The following ACSL1 variants were observed in gnomAD, a reference collection of about 807,000 sequenced individuals.
The protein encoded by ACSL1 is long-chain-fatty-acid--CoA ligase 1.
Under a neutral mutation model 98.4 loss-of-function variants are expected in ACSL1, and 41 were observed. The observed-to-expected ratio is 0.42, with a 90% confidence interval of 0.32 to 0.54. The LOEUF (loss-of-function observed/expected upper bound fraction) is 0.54. Ranked by LOEUF, ACSL1 falls within the 20% of genes least tolerant of loss-of-function variation. The probability of loss-of-function intolerance (pLI) is 0.13; values close to 1 mark genes in which losing one functional copy is unlikely to be tolerated. For missense variants in ACSL1, 734 were observed against 883.1 expected, an observed-to-expected ratio of 0.83 and a Z score of 2.14; for synonymous variants, 316 against 322.7, an observed-to-expected ratio of 0.98 and a Z score of 0.22.
intron 1 of ACSL1, among the ~76,000 whole-genome samples, chr4:184,820,761 C>T (rs945576945): frequency 2.0e-5 from 3 of 152,240 alleles, no homozygotes; most frequent in East Asian, 1.9e-4. Flanking sequence ...CGTACCACCA[C>T]GCCCAGTTAA....
intron 1 of ACSL1, among the ~76,000 whole-genome samples, chr4:184,814,277 C>A (rs561229352): frequency 2.0e-4 from 23 of 115,410 alleles, no homozygotes; most frequent in South Asian, 3.0e-4. Context: ...GGCGACAGAG[C>A]GAGACTCCGC....
At chr4:184,795,403 T>C (rs530258574) in intron 2 of ACSL1, among the ~76,000 whole-genome samples, 1 of 152,368 alleles carries the variant, frequency 6.6e-6, no homozygotes, top group African/African-American at 2.4e-5. Context: ...GCGACATCAT[T>C]TGTACAAAAT....
intron 14 of ACSL1, among the ~76,000 whole-genome samples, chr4:184,765,411 A>G (rs1413478141): frequency 6.6e-6 from 1 of 152,220 alleles, no homozygotes; most frequent in Non-Finnish European, 1.5e-5. Context: ...TGCCTAGGGT[A>G]AAAAATATAC....
At chr4:184,809,222 C>T (rs1771785567) in intron 1 of ACSL1, among the ~76,000 whole-genome samples, 1 of 152,168 alleles carries the variant, frequency 6.6e-6, no homozygotes, top group Admixed American at 6.5e-5. Context: ...ACTCCCTGCC[C>T]ATCCCCTTAT....
Position 184,765,881 on chromosome 4 carries a change from TC to T in ACSL1, c.1359+9del, listed in dbSNP as rs1428399616. On this transcript the variant is annotated intron_variant, in intron 14 of 20. Coordinates refer to ENST00000281455, the MANE Select transcript of ACSL1 (RefSeq NM_001995.5). ...TGTGGGAGAATCAGGCGCCGTGACATCCACCTCACCTGACAGCCCAGGGCTG... is the reference window on the plus strand; with the variant it reads ...TGTGGGAGAATCAGGCGCCGTGACATCACCTCACCTGACAGCCCAGGGCTG... 1 of 1,610,282 alleles carries T rather than the reference TC, an allele frequency of 6.2e-7. No individual in the cohort carries two copies. Among genetic ancestry groups the T allele is most frequent in the Admixed American group, 1.7e-5 (1 of 59,628 alleles).
At position 184,756,954 on chromosome 4, in the gene ACSL1, G is replaced by T; in HGVS notation, c.*171C>A. On this transcript the variant is annotated 3_prime_UTR_variant, in exon 21 of 21. Transcript: ENST00000281455. ...GTCTGCAACATGAGGTGACTGTAAGGCAGTGTTCTCTTTCCTCTAGCATTC... is the reference window on the plus strand; with the variant it reads ...GTCTGCAACATGAGGTGACTGTAAGTCAGTGTTCTCTTTCCTCTAGCATTC... 1.3e-6 allele frequency: 1 copy of T among 743,338 alleles called. No individual in the cohort carries two copies. Among genetic ancestry groups the T allele is most frequent in the Non-Finnish European group, 2.1e-6 (1 of 480,284 alleles). 46.0% of individuals were successfully genotyped at this position (743,338 alleles called of 1,614,324 possible). A position where few individuals can be genotyped will look rare whatever the true frequency, so the allele number is the denominator to read the frequency against.
chr4:184,811,893 A>C (rs1310420110), intron 1 of ACSL1, among the ~76,000 whole-genome samples: 1 of 152,186 alleles, frequency 6.6e-6, no homozygotes, highest in Non-Finnish European at 1.5e-5. Flanking sequence ...TGGACAAAAG[A>C]GAAGTAATTT....
intron 15 of ACSL1, 83 bp downstream of exon 15, chr4:184,764,769 AG>A: frequency 8.2e-7 from 1 of 1,217,708 alleles, no homozygotes; most frequent in Non-Finnish European, 1.2e-6. Context: ...TTAATGAACC[AG>A]TCAGTGATTA....
At chr4:184,801,868 C>T (rs544544948) in intron 2 of ACSL1, among the ~76,000 whole-genome samples, 9 of 152,230 alleles carry the variant, frequency 5.9e-5, no homozygotes, top group South Asian at 2.1e-4. Flanking sequence ...TAAAACCACA[C>T]GTAAGTGCCC....
At chr4:184,783,592 T>C (rs927477331) in intron 4 of ACSL1, among the ~76,000 whole-genome samples, 4 of 152,188 alleles carry the variant, frequency 2.6e-5, no homozygotes, top group Non-Finnish European at 5.9e-5. Context: ...AGCTTCTGAG[T>C]TTTTCTAGTA....
intron 15 of ACSL1, among the ~76,000 whole-genome samples, chr4:184,763,576 G>C (rs1763165187): frequency 1.3e-5 from 2 of 152,114 alleles, no homozygotes; most frequent in African/African-American, 2.4e-5. Context: ...TCCACCCTCC[G>C]ATCGCCCCCA....
chr4:184,775,123 T>C (rs1014117040), intron 7 of ACSL1, among the ~76,000 whole-genome samples: 1 of 152,324 alleles, frequency 6.6e-6, no homozygotes, highest in East Asian at 1.9e-4. Flanking sequence ...ACATCTCTCT[T>C]ACAGTATCAC....
At chr4:184,795,255 C>T (rs536949629) in intron 2 of ACSL1, among the ~76,000 whole-genome samples, 12 of 152,328 alleles carry the variant, frequency 7.9e-5, no homozygotes, top group African/African-American at 2.9e-4. Flanking sequence ...ACACAGCCTA[C>T]GCTGGTCATT....
At chr4:184,783,034 AG>A (rs756059692) in intron 4 of ACSL1, among the ~76,000 whole-genome samples, 3 of 152,180 alleles carry the variant, frequency 2.0e-5, no homozygotes, top group African/African-American at 7.2e-5. Flanking sequence ...GAGCAGGAGA[AG>A]GGGGGCCAGG....
chr4:184,768,143 C>T lies in ACSL1; in HGVS notation c.1128+173G>A, dbSNP rs1219959076. On this transcript the variant is annotated intron_variant, in intron 12 of 20. Transcript: ENST00000281455. ...CATTTTCTCTTATAATCCTTATCAG[C>T]CACTCTGAGAGGTAAACGCATTCTA... is the stretch of plus-strand genomic sequence containing the variant. The T allele has an allele frequency of 1.1e-4, 67 of 622,540 alleles. 1 individual carries two copies. In the Admixed American group the frequency reaches 2.5e-3, roughly 23 times the overall value. The allele number at this position is 622,540 out of a possible 1,614,324, so 38.6% of individuals were successfully genotyped here. A position where few individuals can be genotyped will look rare whatever the true frequency, so the allele number is the denominator to read the frequency against.
At position 184,766,805 on chromosome 4, in the gene ACSL1, G is replaced by T; in HGVS notation, c.1129-49C>A. ...GTTTTCACACCTACTAGGATGGCCA[G>T]AGTCAAAGAGTGTGGAGAAATCAGA... On this transcript the variant is annotated intron_variant, in intron 12 of 20. Transcript: ENST00000281455. The surrounding 1 kb of genome is among the most constrained non-coding windows in gnomAD (Gnocchi z 4.8). 6.4e-7 allele frequency: 1 copy of T among 1,568,044 alleles called. No homozygotes were observed.
At chr4:184,793,478 AAAGCAAATGATGCCGTTGAGGATTTCT>A (rs1768779101) in intron 2 of ACSL1, among the ~76,000 whole-genome samples, 1 of 152,226 alleles carries the variant, frequency 6.6e-6, no homozygotes, top group Non-Finnish European at 1.5e-5. Flanking sequence ...TTTAAGTGCA[AAAGCAAATGATGCCGTTGAGGATTTCT>A]TAGGGGTAGA....
chr4:184,809,371 G>A (rs191197337), intron 1 of ACSL1, among the ~76,000 whole-genome samples: 27 of 152,156 alleles, frequency 1.8e-4, no homozygotes, highest in Middle Eastern at 3.4e-3. Flanking sequence ...ACAATATGTC[G>A]AATTTGAACA....
chr4:184,779,554 C>T (rs1765883987), intron 5 of ACSL1, among the ~76,000 whole-genome samples: 1 of 152,162 alleles, frequency 6.6e-6, no homozygotes, highest in Non-Finnish European at 1.5e-5. Flanking sequence ...GGAAGGCTGG[C>T]TAGCAGTGAG....
Sources: allele counts gnomAD v4.1 joint callset (sites outside exome capture counted in the v4.1 genomes callset), GRCh38; gene constraint gnomAD v4.1.1; non-coding constraint Gnocchi (gnomAD v3.1); transcripts MANE v1.5; gene names NCBI Gene and HGNC (gene_info 2026-07-23, HGNC 2026-07-21).